Variants in DNMT1 observed in about 807,000 individuals in gnomAD.
DNMT1 encodes DNA (cytosine-5)-methyltransferase 1.
DNMT1 carries 24 observed loss-of-function variants against 205.3 expected under a neutral mutation model. The observed-to-expected ratio is 0.12, with a 90% CI of 0.08 to 0.16. The LOEUF is 0.16. Among genes scored for constraint, DNMT1 ranks in the 10% least tolerant of loss-of-function variants. The pLI is 1.00. For missense variants in DNMT1, 1,293 were observed against 2,177.7 expected (o/e 0.59, Z 8.09); for synonymous variants, 817 against 839.8 (o/e 0.97, Z 0.47).
intron 5 of DNMT1, among the ~76,000 whole-genome samples, chr19:10,179,252 G>T (rs566651049): frequency 2.6e-5 from 4 of 151,694 alleles, no homozygotes; most frequent in Admixed American, 2.6e-4. Context: ...TGTAGCACTT[G>T]TCATCTGCAA....
In DNMT1 at chr19:10,149,911, C is replaced by T. The variant is rs778066229; in HGVS notation, c.2323G>A (p.Val775Met). ...GGAATAACAGAGACACAGTCCCCCA[C>T]TTCCAGGGTTTCCGCATCAATGCAC... Reference protein sequence around the residue: ...KVCIDAETLEVGDCVSVIPDD... With the variant: ...KVCIDAETLEMGDCVSVIPDD... Residue 775 changes from valine to methionine, a missense_variant, in exon 25 of 41, where the codon GTG (valine) becomes ATG (methionine). This residue lies in a region of DNMT1 where 197 missense variants were observed against 353.6 expected (regional missense o/e 0.56). Coordinates refer to ENST00000359526, the MANE Select transcript of DNMT1 (RefSeq NM_001130823.3). 6.2e-7 allele frequency: 1 copy of T among 1,614,228 alleles called. No homozygotes were observed. Among genetic ancestry groups the T allele is most frequent in the East Asian group, 2.2e-5 (1 of 44,890 alleles).
chr19:10,192,682 A>G (rs1187092602), intron 1 of DNMT1, among the ~76,000 whole-genome samples: 1 of 152,226 alleles, frequency 6.6e-6, no homozygotes, highest in Non-Finnish European at 1.5e-5. Flanking sequence ...AGGCACTTTC[A>G]TAATTTCACT....
chr19:10,137,778 C>G lies in DNMT1; in HGVS notation c.4293+54G>C. On this transcript the variant is annotated intron_variant, in intron 36 of 40. Coordinates refer to ENST00000359526, the MANE Select transcript of DNMT1 (RefSeq NM_001130823.3). This position sits in a 1 kb window ranked among gnomAD's most constrained non-coding sequence, Gnocchi z 6.4. Reference sequence around the variant, plus strand: ...GTCTTGGGCAGGCTGACTGTTCCCACGAGGCTGCTGGGCTGGGCCTCGAGG... The same window carrying G: ...GTCTTGGGCAGGCTGACTGTTCCCAGGAGGCTGCTGGGCTGGGCCTCGAGG... 2 of 1,590,178 alleles carry G rather than the reference C, an allele frequency of 1.3e-6. No homozygotes were observed. The highest frequency in any genetic ancestry group is 1.1e-5 in the South Asian group (1 of 87,950).
At chr19:10,173,428 A>G (rs1412762009) in intron 8 of DNMT1, among the ~76,000 whole-genome samples, 1 of 150,484 alleles carries the variant, frequency 6.6e-6, no homozygotes, top group Non-Finnish European at 1.5e-5. Context: ...ATCTGACCCC[A>G]AATTCAGATA....
chr19:10,194,668 C>G (rs2039369699), intron 1 of DNMT1, 152 bp downstream of exon 1: 17 of 1,119,328 alleles, frequency 1.5e-5, no homozygotes, highest in Non-Finnish European at 2.1e-5. Context: ...AAGTGCCACC[C>G]TGCCCGCGCC....
chr19:10,171,633 T>A (rs1237014779), intron 9 of DNMT1, among the ~76,000 whole-genome samples: 10 of 151,944 alleles, frequency 6.6e-5, no homozygotes, highest in African/African-American at 2.2e-4. Flanking sequence ...GTGAAACCCC[T>A]TCTCTACTAA....
At chr19:10,164,616 AAAACAAACAAACAAAC>A (rs373485784) in intron 11 of DNMT1, among the ~76,000 whole-genome samples, 2 of 151,700 alleles carry the variant, frequency 1.3e-5, no homozygotes, top group Admixed American at 6.6e-5. Context: ...TCCTGTCTCA[AAAACAAACAAACAAAC>A]AAACAAACAA....
Position 10,180,770 on chromosome 19 carries a change from T to G in DNMT1, c.225+8A>C, listed in dbSNP as rs1468689629. On this transcript the variant is annotated splice_region_variant and intron_variant, in intron 3 of 40. Coordinates refer to ENST00000359526, the MANE Select transcript of DNMT1 (RefSeq NM_001130823.3). ...TTCTAGAGGCTAGGATGCTGAGAAC[T>G]GACTTACCTCGGATAATTCTTCTTT... is the stretch of plus-strand genomic sequence containing the variant. 1 of 1,613,370 alleles carries G rather than the reference T, an allele frequency of 6.2e-7. No individual in the cohort carries two copies. The highest frequency in any genetic ancestry group is 1.3e-5 in the African/African-American group (1 of 74,942).
chr19:10,194,445 G>A (rs530957297), intron 1 of DNMT1: 2 of 175,434 alleles, frequency 1.1e-5, no homozygotes, highest in African/African-American at 4.7e-5. Context: ...GTGTCCGTTG[G>A]CCGCGGGCTG....
intron 1 of DNMT1, among the ~76,000 whole-genome samples, chr19:10,193,906 C>A (rs2039349627): frequency 6.6e-6 from 1 of 152,172 alleles, no homozygotes; most frequent in Admixed American, 6.6e-5. Context: ...TGATGGCGTT[C>A]ATGAACAAGG....
At position 10,159,340 on chromosome 19, in the gene DNMT1, C is replaced by T. The variant is rs1161264709; in HGVS notation, c.1280+318G>A. Among the ~76,000 whole-genome samples the T allele has an allele frequency of 6.6e-6, 1 of 152,116 alleles. No individual in the cohort carries two copies. Among genetic ancestry groups the T allele is most frequent in the Admixed American group, 6.5e-5 (1 of 15,268 alleles). On this transcript the variant is annotated intron_variant, in intron 17 of 40. Coordinates refer to ENST00000359526, the MANE Select transcript of DNMT1 (RefSeq NM_001130823.3). This position sits in a 1 kb window ranked among gnomAD's most constrained non-coding sequence, Gnocchi z 5.0. ...AAGAAATTCTCCTGCCTAAGCCTCT[C>T]GAGTAGTTGGGATTACAGTCGCGTA...
chr19:10,144,377 C>T, intron 28 of DNMT1: 1 of 307,206 alleles, frequency 3.3e-6, no homozygotes, highest in Non-Finnish European at 6.4e-6. Context: ...CACTGCACTC[C>T]AGCCTGTGTG....
chr19:10,180,384 C>T lies in DNMT1; in HGVS notation c.411G>A (p.Thr137=), dbSNP rs369311643. 2.8e-5 allele frequency: 45 copies of T among 1,613,426 alleles called. No homozygotes were observed. Among genetic ancestry groups the T allele is most frequent in the Non-Finnish European group, 3.7e-5 (44 of 1,180,006 alleles). The part of the protein sequence containing the change: ...SPPKPLSKPR[T]PRRSKSDGEA... ...CTCCATCGGACTTGCTCCTCCTGGG[C>T]GTGCGAGGTTTGGAAAGGGGTTTGG... The change falls in exon 4 of 41, where the codon ACG becomes ACA. Residue 137 remains threonine (T), a synonymous_variant. Transcript: ENST00000359526.
Position 10,146,204 on chromosome 19 carries a change from GTC to G in DNMT1, c.2894+145_2894+146del. 1 of 910,360 alleles carries G rather than the reference GTC, an allele frequency of 1.1e-6. No homozygotes were observed. The highest frequency in any genetic ancestry group is 1.6e-6 in the Non-Finnish European group (1 of 607,216). 56.4% of individuals were successfully genotyped at this position (910,360 alleles called of 1,614,324 possible). A position where few individuals can be genotyped will look rare whatever the true frequency, so the allele number is the denominator to read the frequency against. ...ATGGTCAGTCTACACGATTTATGTT[GTC>G]TGTTTGCCACCTATGCCAACGTGAC... On this transcript the variant is annotated intron_variant, in intron 28 of 40. Transcript: ENST00000359526. The surrounding 1 kb of genome is among the most constrained non-coding windows in gnomAD (Gnocchi z 4.4).
At chr19:10,134,077 C>G in intron 40 of DNMT1, 140 bp downstream of exon 40, 1 of 834,116 alleles carries the variant, frequency 1.2e-6, no homozygotes, top group Non-Finnish European at 2.0e-6. Flanking sequence ...ACAGCAGCCC[C>G]TTGAGAAAGA....
Position 10,139,669 on chromosome 19 carries a change from G to A in DNMT1, c.3948+7C>T, listed in dbSNP as rs2145263942. 2 of 1,612,056 alleles carry A rather than the reference G, an allele frequency of 1.2e-6. No individual in the cohort carries two copies. Among genetic ancestry groups the A allele is most frequent in the Non-Finnish European group, 1.7e-6 (2 of 1,179,794 alleles). On this transcript the variant is annotated splice_region_variant and intron_variant, in intron 34 of 40. Transcript: ENST00000359526. ...ATCTGTCTGCCCGCCCCAGCCCCAGGGCCCACCTGCAGCACGCCGAAGGTG... is the reference window on the plus strand; with the variant it reads ...ATCTGTCTGCCCGCCCCAGCCCCAGAGCCCACCTGCAGCACGCCGAAGGTG...
At position 10,138,349 on chromosome 19, in the gene DNMT1, TC is replaced by T; in HGVS notation, c.4115+89del. 6.3e-7 allele frequency: 1 copy of T among 1,593,576 alleles called. No individual in the cohort carries two copies. Among genetic ancestry groups the T allele is most frequent in the South Asian group, 1.1e-5 (1 of 89,976 alleles). On this transcript the variant is annotated intron_variant, in intron 35 of 40. Transcript: ENST00000359526. The surrounding 1 kb of genome is among the most constrained non-coding windows in gnomAD (Gnocchi z 4.1). The stretch of plus-strand genomic sequence containing the variant: ...GGGCAGATGCTGTACCATCCTCTCC[TC>T]CCCAAGCCTCACCAGGGAGTACTCA...
At chr19:10,161,321 G>GTAAGTAAA (rs376570321) in intron 13 of DNMT1, among the ~76,000 whole-genome samples, 1 of 146,582 alleles carries the variant, frequency 6.8e-6, no homozygotes, top group African/African-American at 2.5e-5. Flanking sequence ...AAATACATAA[G>GTAAGTAAA]TAAATAAATA....
chr19:10,154,380 G>A lies in DNMT1; in HGVS notation c.1932C>T (p.Phe644=), dbSNP rs370444117. 5.6e-5 allele frequency: 90 copies of A among 1,614,092 alleles called. 1 individual carries two copies. Among genetic ancestry groups the A allele is most frequent in the South Asian group, 7.7e-5 (7 of 91,092 alleles). The change falls in exon 22 of 41, where the codon TTC becomes TTT. Residue 644 remains phenylalanine, a synonymous_variant. Coordinates refer to ENST00000359526, the MANE Select transcript of DNMT1 (RefSeq NM_001130823.3). This position sits in a 1 kb window ranked among gnomAD's most constrained non-coding sequence, Gnocchi z 6.3. Reference sequence around the variant, plus strand: ...CAATTTGCTCTGCGAAGAAAGTATCGAAGATCTGGTAGACCAGCTTGGTGG... The same window carrying A: ...CAATTTGCTCTGCGAAGAAAGTATCAAAGATCTGGTAGACCAGCTTGGTGG... ...ATTTKLVYQI[F]DTFFAEQIEK...
Sources: gnomAD v4.1 joint callset for allele counts (sites outside exome capture counted in the v4.1 genomes callset) on GRCh38, gnomAD v4.1.1 for gene constraint, gnomAD v4.1.1 regional missense constraint, Gnocchi (gnomAD v3.1) non-coding constraint, MANE v1.5 for transcripts, NCBI Gene and HGNC (gene_info 2026-07-23, HGNC 2026-07-21) for gene names.